Variants in PPP1R14D observed in about 807,000 individuals in gnomAD.
PPP1R14D encodes the protein protein phosphatase 1 regulatory subunit 14D.
A neutral mutation model predicts 17.1 loss-of-function variants in PPP1R14D; 14 were observed. The ratio of observed to expected loss-of-function variants is 0.82; its 90% CI spans 0.54 to 1.28. PPP1R14D has a LOEUF of 1.28. PPP1R14D is among the 50% of genes most tolerant of loss of function. The pLI is 0.00. For synonymous variants in PPP1R14D, 67 were observed against 66.1 expected (o/e 1.01, Z -0.06); for missense variants, 173 against 179.2 (o/e 0.97, Z 0.20).
At chr15:40,822,707 C>A (rs564802818) in intron 1 of PPP1R14D, among the ~76,000 whole-genome samples, 20 of 152,290 alleles carry the variant, frequency 1.3e-4, no homozygotes, top group Non-Finnish European at 2.2e-4. Context: ...CCCGCCTTGG[C>A]CTCCCAAAGT....
intron 1 of PPP1R14D, among the ~76,000 whole-genome samples, chr15:40,818,115 C>A (rs954231489): frequency 6.6e-6 from 1 of 151,328 alleles, no homozygotes; most frequent in Admixed American, 6.6e-5. Context: ...ACAGTGAAAC[C>A]CCGTCTCTAC....
In PPP1R14D at chr15:40,828,412, T is replaced by G. The variant is rs1469248288; in HGVS notation, c.230A>C (p.Asp77Ala). 1.2e-6 allele frequency: 2 copies of G among 1,608,830 alleles called. No individual in the cohort carries two copies. Among genetic ancestry groups the G allele is most frequent in the Non-Finnish European group, 1.7e-6 (2 of 1,177,528 alleles). The part of the protein sequence containing the change: ...QRWLEMEQWV[D>A]AQVQELFQDQ... ...CTGGAAGAGCTCCTGAACTTGAGCA[T>G]CCACCCATTGCTCCATCTCCAGCCA... Residue 77 changes from aspartate to alanine, a missense_variant, in exon 1 of 4, where the codon GAT becomes GCT. Asp to Ala is a moderately radical substitution (Grantham distance 126, BLOSUM62 -2). Transcript: ENST00000299174.
Position 40,828,542 on chromosome 15 carries a change from A to G in PPP1R14D, c.100T>C (p.Ser34Pro), listed in dbSNP as rs763076784. 1 of 1,614,166 alleles carries G rather than the reference A, an allele frequency of 6.2e-7. No homozygotes were observed. Among genetic ancestry groups the G allele is most frequent in the Admixed American group, 1.7e-5 (1 of 60,028 alleles). ...TGGGACTTGGACTCTGAGTCTGTGG[A>G]TGATGTCCTTCTCCTCCCAGAAGCC... Reference protein sequence around the residue: ...HWASGRRRTSSTDSESKSHPD... With the variant: ...HWASGRRRTSPTDSESKSHPD... The change falls in exon 1 of 4, where the codon TCC (serine) becomes CCC (proline). Residue 34 changes from serine to proline, a missense_variant. Physicochemically the swap from Ser to Pro is moderately conservative, Grantham distance 74. Transcript: ENST00000299174.
chr15:40,828,342 G>A lies in PPP1R14D; in HGVS notation c.255+45C>T, dbSNP rs375813934. On this transcript the variant is annotated intron_variant, in intron 1 of 3. Coordinates refer to ENST00000299174, the MANE Select transcript of PPP1R14D (RefSeq NM_017726.8). ...TGTGAAGGTCTCAGTGCCCTGGGTGGACCCCAGGCCCCCATCTCCTCCCAC... is the reference window on the plus strand; with the variant it reads ...TGTGAAGGTCTCAGTGCCCTGGGTGAACCCCAGGCCCCCATCTCCTCCCAC... 289 of 1,529,992 alleles carry A rather than the reference G, an allele frequency of 1.9e-4. 1 individual carries two copies. In the African/African-American group the frequency reaches 3.5e-3, roughly 19 times the overall value. 94.8% of individuals were successfully genotyped at this position (1,529,992 alleles called of 1,614,324 possible).
intron 2 of PPP1R14D, 46 bp from the exon 3 acceptor site, chr15:40,816,040 C>G: frequency 6.2e-7 from 1 of 1,609,388 alleles, no homozygotes; most frequent in Non-Finnish European, 8.5e-7. Context: ...ACAGCACTTT[C>G]CCGCAAGTCC....
At chr15:40,826,408 C>T (rs966239996) in intron 1 of PPP1R14D, among the ~76,000 whole-genome samples, 3 of 152,182 alleles carry the variant, frequency 2.0e-5, no homozygotes, top group Admixed American at 6.6e-5. Context: ...ACTAGCTTGG[C>T]GTATGGTTCT....
intron 1 of PPP1R14D, chr15:40,817,255 G>T (rs970603135): frequency 1.3e-5 from 4 of 306,268 alleles, no homozygotes; most frequent in African/African-American, 9.0e-5. Flanking sequence ...TACTCCAGGA[G>T]CTGAGGCAGG....
rs751483563 is a variant in PPP1R14D at position 40,828,607 on chromosome 15, G to A, written c.35C>T (p.Pro12Leu). ...LSSSPASCTSPSPDGENPCKK... is the reference protein window; with the variant it reads ...LSSSPASCTSLSPDGENPCKK... ...ACATGGGTTCTCCCCATCTGGGCTGGGAGATGTGCAGGAAGCAGGGCTTGA... is the reference window on the plus strand; with the variant it reads ...ACATGGGTTCTCCCCATCTGGGCTGAGAGATGTGCAGGAAGCAGGGCTTGA... Residue 12 changes from proline to leucine, a missense_variant, in exon 1 of 4, where the codon CCC becomes CTC. Coordinates refer to ENST00000299174, the MANE Select transcript of PPP1R14D (RefSeq NM_017726.8). 1.9e-6 allele frequency: 3 copies of A among 1,613,712 alleles called. No individual in the cohort carries two copies. Among genetic ancestry groups the A allele is most frequent in the East Asian group, 2.2e-5 (1 of 44,900 alleles).
chr15:40,822,149 AG>A (rs1269662995), intron 1 of PPP1R14D, among the ~76,000 whole-genome samples: 1 of 152,014 alleles, frequency 6.6e-6, no homozygotes, highest in Non-Finnish European at 1.5e-5. Context: ...AATGTAAAAA[AG>A]TTACAGTAAT....
At chr15:40,822,319 T>TAAAA (rs936212146) in intron 1 of PPP1R14D, among the ~76,000 whole-genome samples, 1 of 140,032 alleles carries the variant, frequency 7.1e-6, no homozygotes, top group African/African-American at 2.6e-5. Context: ...ACCTTGCCTC[T>TAAAA]AAAAAAAAAA....
chr15:40,826,799 C>T (rs1368018799), intron 1 of PPP1R14D, among the ~76,000 whole-genome samples: 1 of 152,060 alleles, frequency 6.6e-6, no homozygotes, highest in African/African-American at 2.4e-5. Flanking sequence ...AAGATCTCAT[C>T]TCTATAAAAA....
chr15:40,817,215 G>A, intron 1 of PPP1R14D: 1 of 298,146 alleles, frequency 3.4e-6, no homozygotes, highest in South Asian at 2.4e-5. Flanking sequence ...AAATTAGCTG[G>A]GTGTGGTTGC....
At chr15:40,823,700 C>T (rs1013141820) in intron 1 of PPP1R14D, among the ~76,000 whole-genome samples, 4 of 152,104 alleles carry the variant, frequency 2.6e-5, no homozygotes, top group Non-Finnish European at 4.4e-5. Flanking sequence ...ATAGCTACAC[C>T]ATATAGCCTA....
chr15:40,816,738 A>T (rs1238509389), intron 1 of PPP1R14D, among the ~76,000 whole-genome samples: 1 of 151,936 alleles, frequency 6.6e-6, no homozygotes, highest in Non-Finnish European at 1.5e-5. Flanking sequence ...TAAAAATAAT[A>T]AAAAAAGACA....
At chr15:40,827,037 A>T (rs963393597) in intron 1 of PPP1R14D, among the ~76,000 whole-genome samples, 10 of 152,222 alleles carry the variant, frequency 6.6e-5, no homozygotes, top group African/African-American at 2.2e-4. Context: ...AGTGGGGTTG[A>T]AGAGTGTTAG....
rs927778707 is a variant in PPP1R14D at position 40,828,376 on chromosome 15, G to A, written c.255+11C>T. Reference sequence around the variant, plus strand: ...CCCCCATCTCCTCCCACTATCCGCTGTGCTACCTACCTGGAAGAGCTCCTG... The same window carrying A: ...CCCCCATCTCCTCCCACTATCCGCTATGCTACCTACCTGGAAGAGCTCCTG... On this transcript the variant is annotated intron_variant, in intron 1 of 3. Coordinates refer to ENST00000299174, the MANE Select transcript of PPP1R14D (RefSeq NM_017726.8). The A allele has an allele frequency of 6.3e-7, 1 of 1,577,884 alleles. No homozygotes were observed. Among genetic ancestry groups the A allele is most frequent in the South Asian group, 1.2e-5 (1 of 83,906 alleles).
intron 3 of PPP1R14D, 70 bp downstream of exon 3, chr15:40,815,892 A>G (rs1328697581): frequency 2.5e-6 from 4 of 1,591,270 alleles, no homozygotes; most frequent in Non-Finnish European, 3.4e-6. Context: ...TTCCCTTCAA[A>G]TACTCCTCAT....
chr15:40,817,431 A>G (rs1254959367), intron 1 of PPP1R14D: 7 of 153,324 alleles, frequency 4.6e-5, no homozygotes, highest in African/African-American at 9.7e-5. Flanking sequence ...ATATGAACAG[A>G]CACCCCACTA....
chr15:40,826,785 T>C (rs1398521597), intron 1 of PPP1R14D, among the ~76,000 whole-genome samples: 1 of 152,140 alleles, frequency 6.6e-6, no homozygotes, highest in Non-Finnish European at 1.5e-5. Flanking sequence ...CTAGGCAACA[T>C]AGCAAGATCT....
Sources: allele counts gnomAD v4.1 joint callset (sites outside exome capture counted in the v4.1 genomes callset), GRCh38; gene constraint gnomAD v4.1.1; transcripts MANE v1.5; gene names NCBI Gene and HGNC (gene_info 2026-07-23, HGNC 2026-07-21).